Variants in MARCHF1 observed in about 807,000 individuals in gnomAD.
The protein encoded by MARCHF1 is E3 ubiquitin-protein ligase MARCHF1.
A neutral mutation model predicts 54.2 loss-of-function variants in MARCHF1; 40 were observed. The observed-to-expected ratio is 0.74, with a 90% confidence interval of 0.57 to 0.96. The LOEUF is 0.96. Ranked by LOEUF, MARCHF1 falls within the 40% of genes least tolerant of loss-of-function variation. The probability of loss-of-function intolerance (pLI) is 0.00; values close to 1 mark genes in which losing one functional copy is unlikely to be tolerated. For synonymous variants in MARCHF1, 236 were observed against 236.3 expected (o/e 1.00, Z 0.01); for missense variants, 586 against 656.5 (o/e 0.89, Z 1.17).
intron 3 of MARCHF1, among the ~76,000 whole-genome samples, chr4:163,876,524 A>G (rs1473629049): frequency 1.3e-5 from 2 of 152,094 alleles, no homozygotes; most frequent in Admixed American, 1.3e-4. Context: ...TTCCCTATAA[A>G]GTATGTAGAA....
chr4:164,041,995 C>G (rs17675387), intron 2 of MARCHF1, among the ~76,000 whole-genome samples: 1 of 152,078 alleles, frequency 6.6e-6, no homozygotes, highest in African/African-American at 2.4e-5. Context: ...ATTCACATGA[C>G]TTATAATGTC....
At chr4:163,888,801 T>C (rs906567687) in intron 3 of MARCHF1, among the ~76,000 whole-genome samples, 6 of 152,122 alleles carry the variant, frequency 3.9e-5, no homozygotes, top group South Asian at 2.1e-4. Flanking sequence ...GTCCTCTTCT[T>C]GGAGATCATA....
At chr4:164,298,556 C>T (rs1734470882) in intron 1 of MARCHF1, among the ~76,000 whole-genome samples, 1 of 151,992 alleles carries the variant, frequency 6.6e-6, no homozygotes, top group Non-Finnish European at 1.5e-5. Flanking sequence ...TGATGCAATA[C>T]CTTTACACGG....
intron 4 of MARCHF1, among the ~76,000 whole-genome samples, chr4:163,831,452 A>G (rs1219718131): frequency 6.6e-6 from 1 of 151,958 alleles, no homozygotes; most frequent in Non-Finnish European, 1.5e-5. Context: ...TTATCTGTGC[A>G]CGATGGTATG....
chr4:163,667,268 G>A (rs2111117526), intron 5 of MARCHF1, among the ~76,000 whole-genome samples: 1 of 152,158 alleles, frequency 6.6e-6, no homozygotes, highest in Admixed American at 6.5e-5. Flanking sequence ...AATGACTCAA[G>A]CTGCATTCTT....
At position 163,527,639 on chromosome 4, in the gene MARCHF1, CTT is replaced by C. The variant is rs1738167530; in HGVS notation, c.*1107_*1108del. Reference sequence around the variant, plus strand: ...TAAAAATCATAACTAACTTTTGTGACTTTGAAATAAAAGAATGAATTAAACTG... The same window carrying C: ...TAAAAATCATAACTAACTTTTGTGACTGAAATAAAAGAATGAATTAAACTG... On this transcript the variant is annotated 3_prime_UTR_variant, in exon 10 of 10. Coordinates refer to ENST00000514618, the MANE Select transcript of MARCHF1 (RefSeq NM_001394959.1). 1 of 142,886 alleles carries C rather than the reference CTT, an allele frequency of 7.0e-6. No individual in the cohort carries two copies. Among genetic ancestry groups the C allele is most frequent in the African/African-American group, 2.5e-5 (1 of 39,222 alleles). The allele number at this position is 142,886 out of a possible 1,614,324, so 8.9% of individuals were successfully genotyped here.
At position 164,223,769 on chromosome 4, in the gene MARCHF1, T is replaced by C. The variant is rs115809952; in HGVS notation, c.-322-112107A>G. Among the ~76,000 whole-genome samples, 665 of 151,844 alleles carry C rather than the reference T, an allele frequency of 4.4e-3. 3 individuals are homozygous for C. Among genetic ancestry groups the C allele is most frequent in the Non-Finnish European group, 7.8e-3 (527 of 67,880 alleles). The stretch of plus-strand genomic sequence containing the variant: ...GTGTTTCCTGAAATACTAATGCTGC[T>C]CTTTAAAAAAGTGTTCCTTATTAAA... On this transcript the variant is annotated intron_variant, in intron 1 of 9. Transcript: ENST00000514618.
intron 1 of MARCHF1, among the ~76,000 whole-genome samples, chr4:164,377,016 T>G (rs1009944007): frequency 2.0e-5 from 3 of 152,212 alleles, no homozygotes; most frequent in Admixed American, 6.5e-5. Flanking sequence ...TCTCCTGATG[T>G]GCCTCAGGAC....
intron 8 of MARCHF1, among the ~76,000 whole-genome samples, chr4:163,567,407 A>C (rs547501210): frequency 6.6e-6 from 1 of 152,324 alleles, no homozygotes; most frequent in East Asian, 1.9e-4. Context: ...AACATGGTAG[A>C]AATGCAGAAT....
intron 2 of MARCHF1, among the ~76,000 whole-genome samples, chr4:164,010,337 T>C (rs935659916): frequency 1.3e-5 from 2 of 151,836 alleles, no homozygotes; most frequent in African/African-American, 2.4e-5. Context: ...GACCTCGTGA[T>C]CTGCCAGCCT....
At chr4:163,637,242 A>G (rs1377568441) in intron 5 of MARCHF1, among the ~76,000 whole-genome samples, 6 of 152,204 alleles carry the variant, frequency 3.9e-5, no homozygotes, top group Non-Finnish European at 8.8e-5. Flanking sequence ...CAAAATTGAC[A>G]AATGGGATCT....
intron 2 of MARCHF1, among the ~76,000 whole-genome samples, chr4:164,067,762 G>A (rs576451939): frequency 2.6e-5 from 4 of 152,212 alleles, no homozygotes; most frequent in East Asian, 3.9e-4. Flanking sequence ...CTCCTGCACG[G>A]CAATGAAACT....
chr4:163,837,129 T>TA (rs1579327355), intron 4 of MARCHF1, among the ~76,000 whole-genome samples: 1 of 152,124 alleles, frequency 6.6e-6, no homozygotes, highest in Non-Finnish European at 1.5e-5. Context: ...GAATCAAACA[T>TA]ACCATTTTCA....
In MARCHF1 at chr4:163,956,685, A is replaced by C. The variant is rs544679294; in HGVS notation, c.-39+31816T>G. On this transcript the variant is annotated intron_variant, in intron 3 of 9. Coordinates refer to ENST00000514618, the MANE Select transcript of MARCHF1 (RefSeq NM_001394959.1). ...AGTAAACAACACAGTTTATGTGTTG[A>C]GATAACAAATAAGTGGTTTGGGGGA... 2.0e-5 allele frequency among the ~76,000 whole-genome samples: 3 copies of C among 152,262 alleles called. No individual in the cohort carries two copies. In the South Asian group the frequency reaches 6.2e-4, roughly 31 times the overall value.
intron 1 of MARCHF1, among the ~76,000 whole-genome samples, chr4:164,206,044 TC>T (rs1373348835): frequency 6.6e-6 from 1 of 152,208 alleles, no homozygotes; most frequent in Non-Finnish European, 1.5e-5. Context: ...TCTATTCTAT[TC>T]TATTTGGTAT....
In MARCHF1 at chr4:163,654,238, G is replaced by A. The variant is rs948865552; in HGVS notation, c.163-40845C>T. 2.6e-4 allele frequency among the ~76,000 whole-genome samples: 40 copies of A among 151,616 alleles called. 1 individual carries two copies. Among genetic ancestry groups the A allele is most frequent in the Non-Finnish European group, 1.3e-4 (9 of 67,768 alleles). On this transcript the variant is annotated intron_variant, in intron 5 of 9. Coordinates refer to ENST00000514618, the MANE Select transcript of MARCHF1 (RefSeq NM_001394959.1). Reference sequence around the variant, plus strand: ...ATGATGGTAGAAAGCCTGACTAGAGGATGTTCAAAACATAATTGAAATAGA... The same window carrying A: ...ATGATGGTAGAAAGCCTGACTAGAGAATGTTCAAAACATAATTGAAATAGA...
chr4:164,376,786 C>T (rs762918749), intron 1 of MARCHF1, among the ~76,000 whole-genome samples: 4 of 152,142 alleles, frequency 2.6e-5, no homozygotes, highest in African/African-American at 4.8e-5. Context: ...AGATACTCAG[C>T]GCAAGCTTGA....
chr4:163,666,630 A>G (rs1743543112), intron 5 of MARCHF1, among the ~76,000 whole-genome samples: 1 of 152,042 alleles, frequency 6.6e-6, no homozygotes, highest in Admixed American at 6.6e-5. Context: ...AACATTTATC[A>G]TGGTCTTCAT....
intron 3 of MARCHF1, among the ~76,000 whole-genome samples, chr4:163,944,763 TGAATCTTTTA>T (rs1751991845): frequency 6.6e-6 from 1 of 152,170 alleles, no homozygotes; most frequent in African/African-American, 2.4e-5. Flanking sequence ...CATTAGGGCA[TGAATCTTTTA>T]ACCAGAAATC....
Sources: gnomAD v4.1 joint callset for allele counts (sites outside exome capture counted in the v4.1 genomes callset) on GRCh38, gnomAD v4.1.1 for gene constraint, MANE v1.5 for transcripts, NCBI Gene and HGNC (gene_info 2026-07-23, HGNC 2026-07-21) for gene names.